IL1R2: variants seen among roughly 807,000 people sequenced by gnomAD.
IL1R2 encodes the protein interleukin 1 receptor type 2, also known as interleukin-1 receptor type 2.
Under a neutral mutation model 39.5 loss-of-function variants are expected in IL1R2, and 46 were observed. The ratio of observed to expected loss-of-function variants is 1.16; its 90% confidence interval spans 0.92 to 1.49. The LOEUF (loss-of-function observed/expected upper bound fraction) is 1.49. IL1R2 is among the 40% of genes most tolerant of loss of function. The pLI, the probability that IL1R2 is intolerant of heterozygous loss-of-function variation, is 0.00. For synonymous variants in IL1R2, 207 were observed against 189.6 expected (o/e 1.09, Z -0.75); for missense variants, 537 against 502.0 (o/e 1.07, Z -0.67).
chr2:102,024,510 G>A, intron 6 of IL1R2, 23 bp from the exon 7 acceptor site: 12 of 1,586,014 alleles, frequency 7.6e-6, no homozygotes, highest in East Asian at 2.2e-5. Context: ...TGCAGTTGAC[G>A]TGCTGTGCCT....
At chr2:102,010,339 C>T (rs1018030330) in intron 3 of IL1R2, among the ~76,000 whole-genome samples, 4 of 151,982 alleles carry the variant, frequency 2.6e-5, no homozygotes, top group Non-Finnish European at 5.9e-5. Flanking sequence ...TTTGGGCGGC[C>T]GAAGAGGGTG....
At chr2:101,997,511 G>A (rs759215243) in intron 1 of IL1R2, among the ~76,000 whole-genome samples, 4 of 152,136 alleles carry the variant, frequency 2.6e-5, no homozygotes, top group Non-Finnish European at 5.9e-5. Flanking sequence ...CCAAGAGGTG[G>A]GGCAGTCTTC....
intron 1 of IL1R2, among the ~76,000 whole-genome samples, chr2:101,997,170 C>T (rs1675632109): frequency 1.3e-5 from 2 of 152,250 alleles, no homozygotes; most frequent in South Asian, 4.1e-4. Flanking sequence ...CATGAGGTGT[C>T]CTGTGGAATC....
intron 5 of IL1R2, among the ~76,000 whole-genome samples, chr2:102,020,497 A>G (rs897970695): frequency 6.6e-6 from 1 of 152,174 alleles, no homozygotes; most frequent in African/African-American, 2.4e-5. Flanking sequence ...TGTTTTTTAT[A>G]CTGAATAATG....
At chr2:102,020,159 A>G (rs991639591) in intron 5 of IL1R2, among the ~76,000 whole-genome samples, 1 of 152,224 alleles carries the variant, frequency 6.6e-6, no homozygotes, top group Non-Finnish European at 1.5e-5. Context: ...AGAGGTCACC[A>G]CATGCTGTAA....
At chr2:102,015,819 C>T in intron 3 of IL1R2, 52 bp from the exon 4 acceptor site, 1 of 1,407,194 alleles carries the variant, frequency 7.1e-7, no homozygotes, top group South Asian at 1.2e-5. Context: ...TTTCATTTAG[C>T]TTTACTTTTA....
Position 102,028,395 on chromosome 2 carries a change from T to C in IL1R2, c.*3T>C, listed in dbSNP as rs1433586043. The C allele has an allele frequency of 1.9e-6, 3 of 1,581,962 alleles. No homozygotes were observed. Among genetic ancestry groups the C allele is most frequent in the Non-Finnish European group, 2.6e-6 (3 of 1,160,842 alleles). ...ACTTTCAATCCTATCCCAAGTGAAATAAATGGAATGAAATAATTCAAACAC... is the reference window on the plus strand; with the variant it reads ...ACTTTCAATCCTATCCCAAGTGAAACAAATGGAATGAAATAATTCAAACAC... On this transcript the variant is annotated 3_prime_UTR_variant, in exon 9 of 9. Coordinates refer to ENST00000332549, the MANE Select transcript of IL1R2 (RefSeq NM_004633.4).
At chr2:102,013,927 G>T (rs1266275521) in intron 3 of IL1R2, among the ~76,000 whole-genome samples, 1 of 152,156 alleles carries the variant, frequency 6.6e-6, no homozygotes, top group East Asian at 1.9e-4. Context: ...TCAGAATAGG[G>T]AGAACTGGGC....
intron 4 of IL1R2, 139 bp downstream of exon 4, chr2:102,016,190 T>C (rs1339757148): frequency 3.2e-6 from 2 of 622,922 alleles, no homozygotes; most frequent in Non-Finnish European, 5.3e-6. Flanking sequence ...TTGCCTTTCA[T>C]ATCTGTGAGT....
At chr2:102,016,335 A>T (rs3218903) in intron 4 of IL1R2, 39,324 of 247,834 alleles carry the variant, frequency 0.16, 3,849 homozygotes, top group East Asian at 0.31. Flanking sequence ...TGCATGACAA[A>T]GTTTCAGTCA....
intron 1 of IL1R2, among the ~76,000 whole-genome samples, chr2:101,995,898 C>T (rs995097084): frequency 2.0e-5 from 3 of 152,172 alleles, no homozygotes; most frequent in Non-Finnish European, 4.4e-5. Flanking sequence ...GAAGCAGAAG[C>T]AGGCATAGCA....
chr2:102,017,156 G>C (rs186256833), intron 4 of IL1R2, among the ~76,000 whole-genome samples: 1 of 152,170 alleles, frequency 6.6e-6, no homozygotes, highest in African/African-American at 2.4e-5. Flanking sequence ...CCAGCACTCT[G>C]GCAGGCCAAG....
In IL1R2 at chr2:102,009,747, C is replaced by A. The variant is rs139061430; in HGVS notation, c.253C>A (p.Arg85=). 6.2e-7 allele frequency: 1 copy of A among 1,614,188 alleles called. No individual in the cohort carries two copies. Residue 85 remains arginine (R), a synonymous_variant, in exon 3 of 9, where the codon CGG becomes AGG. Coordinates refer to ENST00000332549, the MANE Select transcript of IL1R2 (RefSeq NM_004633.4). ...ARTVPGEEET[R]MWAQDGALWL... Reference sequence around the variant, plus strand: ...GACGGTCCCAGGAGAAGAAGAGACACGGATGTGGGCCCAGGACGGTGCTCT... The same window carrying A: ...GACGGTCCCAGGAGAAGAAGAGACAAGGATGTGGGCCCAGGACGGTGCTCT...
intron 1 of IL1R2, among the ~76,000 whole-genome samples, chr2:102,002,368 G>GTCTGTA (rs1675915901): frequency 1.3e-5 from 2 of 151,362 alleles, no homozygotes; most frequent in African/African-American, 4.9e-5. Flanking sequence ...CTGTGTCTGT[G>GTCTGTA]TGTATGTCTA....
intron 7 of IL1R2, 97 bp from the exon 8 acceptor site, chr2:102,026,014 T>A (rs898071308): frequency 1.2e-5 from 11 of 906,382 alleles, no homozygotes; most frequent in Admixed American, 2.6e-5. Context: ...AAAAGCGCAA[T>A]GGGTACTTCT....
At chr2:101,994,261 C>A (rs998527307) in intron 1 of IL1R2, among the ~76,000 whole-genome samples, 3 of 152,062 alleles carry the variant, frequency 2.0e-5, no homozygotes, top group East Asian at 1.9e-4. Context: ...CCCACCCCGA[C>A]CTCCAAAGCC....
In IL1R2 at chr2:102,028,416, A is replaced by G. The variant is rs1056433724; in HGVS notation, c.*24A>G. The G allele has an allele frequency of 2.1e-5, 32 of 1,558,396 alleles. No homozygotes were observed. The highest frequency in any genetic ancestry group is 3.4e-4 in the Middle Eastern group (2 of 5,912). On this transcript the variant is annotated 3_prime_UTR_variant, in exon 9 of 9. Coordinates refer to ENST00000332549, the MANE Select transcript of IL1R2 (RefSeq NM_004633.4). ...GAAATAAATGGAATGAAATAATTCA[A>G]ACACAAACTCCGTACGTCTTCTCTT...
intron 3 of IL1R2, among the ~76,000 whole-genome samples, chr2:102,013,958 C>T (rs147093471): frequency 4.4e-4 from 67 of 152,230 alleles, no homozygotes; most frequent in Non-Finnish European, 8.1e-4. Context: ...AGCAGCACTA[C>T]GAATGACTAT....
intron 1 of IL1R2, among the ~76,000 whole-genome samples, chr2:101,995,767 G>A (rs1052009845): frequency 2.6e-5 from 4 of 152,186 alleles, no homozygotes; most frequent in Non-Finnish European, 2.9e-5. Context: ...GGACTATGAC[G>A]ACTCATCAGA....
Sources: allele counts gnomAD v4.1 joint callset (sites outside exome capture counted in the v4.1 genomes callset), GRCh38; gene constraint gnomAD v4.1.1; transcripts MANE v1.5; gene names NCBI Gene and HGNC (gene_info 2026-07-23, HGNC 2026-07-21).